Variants in FLT1 observed in about 807,000 individuals in gnomAD.
The protein encoded by FLT1 is vascular endothelial growth factor receptor 1.
In FLT1, 49 loss-of-function variants were observed where a neutral mutation model predicts 156.3. The observed-to-expected ratio is 0.31, with a 90% CI of 0.25 to 0.40. FLT1 has a LOEUF of 0.40. Ranked by LOEUF, FLT1 falls within the 10% of genes least tolerant of loss-of-function variation. The probability of loss-of-function intolerance (pLI) is 1.00; values close to 1 mark genes in which losing one functional copy is unlikely to be tolerated. For synonymous variants in FLT1, 594 were observed against 583.8 expected (o/e 1.02, Z -0.25); for missense variants, 1,322 against 1,637.2 (o/e 0.81, Z 3.32).
At chr13:28,347,960 T>C (rs375892169) in intron 15 of FLT1, among the ~76,000 whole-genome samples, 4 of 152,192 alleles carry the variant, frequency 2.6e-5, no homozygotes, top group Middle Eastern at 3.4e-3. Context: ...CTTCCAAGAG[T>C]ATGCCACTTC....
At chr13:28,392,052 A>G (rs1046107643) in intron 12 of FLT1, among the ~76,000 whole-genome samples, 2 of 152,242 alleles carry the variant, frequency 1.3e-5, no homozygotes, top group Non-Finnish European at 2.9e-5. Flanking sequence ...CGTTAAGGGG[A>G]CAATAGTCCA....
At chr13:28,354,588 T>C (rs1872835696) in intron 15 of FLT1, among the ~76,000 whole-genome samples, 1 of 152,194 alleles carries the variant, frequency 6.6e-6, no homozygotes, top group Non-Finnish European at 1.5e-5. Context: ...ATTTGTTTCT[T>C]TTATAAATGG....
chr13:28,319,726 T>C (rs1430351692), intron 23 of FLT1, among the ~76,000 whole-genome samples, 192 bp from the exon 24 acceptor site: 1 of 152,200 alleles, frequency 6.6e-6, no homozygotes, highest in South Asian at 2.1e-4. Context: ...AGTGCTATAC[T>C]GAGTCCCATG....
chr13:28,310,261 A>G (rs1870942955), intron 27 of FLT1, among the ~76,000 whole-genome samples: 1 of 152,170 alleles, frequency 6.6e-6, no homozygotes, highest in East Asian at 1.9e-4. Context: ...GGTTAGAGCC[A>G]GAGAGCTGTG....
intron 14 of FLT1, among the ~76,000 whole-genome samples, chr13:28,372,066 ATATATATATATTTT>A (rs1280621363): frequency 8.6e-3 from 255 of 29,676 alleles, no homozygotes; most frequent in South Asian, 0.035. Flanking sequence ...ATATATATAT[ATATATATATATTTT>A]TTTTTTTTTT....
At chr13:28,447,544 T>C (rs956312552) in intron 3 of FLT1, among the ~76,000 whole-genome samples, 5 of 152,002 alleles carry the variant, frequency 3.3e-5, no homozygotes, top group African/African-American at 7.2e-5. Context: ...AAATATGGCA[T>C]TGGATTCTTA....
chr13:28,316,915 G>A (rs755840850), intron 25 of FLT1, among the ~76,000 whole-genome samples: 5 of 152,098 alleles, frequency 3.3e-5, no homozygotes, highest in South Asian at 2.1e-4. Flanking sequence ...GAGCCACTGC[G>A]CCCGGCCCCT....
Position 28,322,767 on chromosome 13 carries a change from G to T in FLT1, c.2953+23C>A. ...GTTGTAAAAATATCTCAGCGCGTAG[G>T]ACAGGAAGGAATTAATACCTACCCT... On this transcript the variant is annotated intron_variant, in intron 21 of 29. Transcript: ENST00000282397. The surrounding 1 kb of genome is among the most constrained non-coding windows in gnomAD (Gnocchi z 4.3). 1.2e-6 allele frequency: 2 copies of T among 1,608,624 alleles called. No homozygotes were observed. Among genetic ancestry groups the T allele is most frequent in the Non-Finnish European group, 1.7e-6 (2 of 1,175,900 alleles).
intron 25 of FLT1, among the ~76,000 whole-genome samples, chr13:28,313,187 C>T (rs958171401): frequency 7.2e-5 from 11 of 152,066 alleles, no homozygotes. Flanking sequence ...TCATGTTTTC[C>T]AGGCTGGTCT....
At chr13:28,492,344 G>C (rs1170447250) in intron 1 of FLT1, among the ~76,000 whole-genome samples, 7 of 152,188 alleles carry the variant, frequency 4.6e-5, no homozygotes, top group African/African-American at 9.7e-5. Flanking sequence ...CATCCAGGTT[G>C]TGATACCTTA....
intron 18 of FLT1, 92 bp downstream of exon 18, chr13:28,333,933 G>T: frequency 1.2e-6 from 1 of 860,500 alleles, no homozygotes; most frequent in Non-Finnish European, 2.0e-6. Flanking sequence ...AAAAGCTTGT[G>T]TCTGTTCCCA....
At position 28,301,172 on chromosome 13, in the gene FLT1, GA is replaced by G. The variant is rs34252053; in HGVS notation, c.*1994del. 0.073 allele frequency: 15,302 copies of G among 208,780 alleles called. 376 individuals carry two copies. Among genetic ancestry groups the G allele is most frequent in the East Asian group, 0.21 (3,262 of 15,180 alleles). 12.9% of individuals were successfully genotyped at this position (208,780 alleles called of 1,614,324 possible). ...ATTTGCTGGGCTATTATCTGATTTGGAAAAAAAAAAAAAAGTAGAGAATTGA... is the reference window on the plus strand; with the variant it reads ...ATTTGCTGGGCTATTATCTGATTTGGAAAAAAAAAAAAAGTAGAGAATTGA... On this transcript the variant is annotated 3_prime_UTR_variant, in exon 30 of 30. Coordinates refer to ENST00000282397, the MANE Select transcript of FLT1 (RefSeq NM_002019.4).
Position 28,311,772 on chromosome 13 carries a change from G to T in FLT1, c.3493-40C>A. 1.9e-6 allele frequency: 3 copies of T among 1,607,358 alleles called. No homozygotes were observed. The South Asian group carries it at 3.3e-5, about 18-fold the overall frequency. On this transcript the variant is annotated intron_variant, in intron 26 of 29. Coordinates refer to ENST00000282397, the MANE Select transcript of FLT1 (RefSeq NM_002019.4). ...GTAGAGCTCTCGTTGCACCAATTCTGACTTCAACAATTTCTATGAACCATT... is the reference window on the plus strand; with the variant it reads ...GTAGAGCTCTCGTTGCACCAATTCTTACTTCAACAATTTCTATGAACCATT...
chr13:28,395,237 G>T lies in FLT1; in HGVS notation c.1660+1723C>A, dbSNP rs191269676. ...GAACTTGTCAGTAGTTAGACGTATG[G>T]TTTGTGGGCCTCCACTGGTACTCTT... On this transcript the variant is annotated intron_variant, in intron 12 of 29. Transcript: ENST00000282397. 2.0e-5 allele frequency among the ~76,000 whole-genome samples: 3 copies of T among 152,284 alleles called. No individual in the cohort carries two copies. The East Asian group carries it at 5.8e-4, about 29-fold the overall frequency.
At chr13:28,484,734 G>C (rs746169718) in intron 1 of FLT1, among the ~76,000 whole-genome samples, 6 of 152,048 alleles carry the variant, frequency 3.9e-5, no homozygotes, top group Non-Finnish European at 8.8e-5. Flanking sequence ...TTTCATTTAG[G>C]CTTGAAGGCA....
intron 11 of FLT1, among the ~76,000 whole-genome samples, chr13:28,398,164 T>C (rs961969793): frequency 3.3e-5 from 5 of 152,212 alleles, no homozygotes; most frequent in Non-Finnish European, 2.9e-5. Context: ...CTTAAAATTA[T>C]GGAAAAGAAA....
chr13:28,388,922 G>A, intron 13 of FLT1: 1 of 1,057,366 alleles, frequency 9.5e-7, no homozygotes, highest in Non-Finnish European at 1.1e-6. Flanking sequence ...TAGCTGTGTG[G>A]TGCAGTCAGA....
chr13:28,445,115 C>T (rs1878537367), intron 3 of FLT1, among the ~76,000 whole-genome samples: 1 of 152,004 alleles, frequency 6.6e-6, no homozygotes, highest in Non-Finnish European at 1.5e-5. Flanking sequence ...AAAAGACAAA[C>T]ACAACTAATA....
At chr13:28,356,470 C>T (rs2137409955) in intron 15 of FLT1, among the ~76,000 whole-genome samples, 1 of 152,302 alleles carries the variant, frequency 6.6e-6, no homozygotes, top group East Asian at 1.9e-4. Flanking sequence ...AAAACCATTA[C>T]TAAAGGTATT....
Sources: gnomAD v4.1 joint callset for allele counts (sites outside exome capture counted in the v4.1 genomes callset) on GRCh38, gnomAD v4.1.1 for gene constraint, Gnocchi (gnomAD v3.1) non-coding constraint, MANE v1.5 for transcripts, NCBI Gene and HGNC (gene_info 2026-07-23, HGNC 2026-07-21) for gene names.